SMARCA2: variants seen among roughly 807,000 people sequenced by gnomAD.
SMARCA2 encodes the protein SWI/SNF-related matrix-associated actin-dependent regulator of chromatin subfamily A member 2.
A neutral mutation model predicts 199.8 loss-of-function variants in SMARCA2; 61 were observed. The observed-to-expected ratio is 0.31, with a 90% confidence interval of 0.25 to 0.38. SMARCA2 has a LOEUF of 0.38. Ranked by LOEUF, SMARCA2 falls within the 10% of genes least tolerant of loss-of-function variation. The pLI is 1.00. For synonymous variants in SMARCA2, 935 were observed against 732.0 expected (o/e 1.28, Z -4.48); for missense variants, 1,344 against 2,012.2 (o/e 0.67, Z 6.35).
chr9:2,120,344 G>A lies in SMARCA2; in HGVS notation c.3762+809G>A, dbSNP rs1394142599. On this transcript the variant is annotated intron_variant, in intron 26 of 33. Transcript: ENST00000349721. Reference sequence around the variant, plus strand: ...GTGAAGCAAGTGGGCAGAGGTAGGTGTACTGGAGATGCTTTGTCTATGGGG... The same window carrying A: ...GTGAAGCAAGTGGGCAGAGGTAGGTATACTGGAGATGCTTTGTCTATGGGG... Among the ~76,000 whole-genome samples, 5 of 152,120 alleles carry A rather than the reference G, an allele frequency of 3.3e-5. 1 individual carries two copies. The highest frequency in any genetic ancestry group is 1.2e-4 in the African/African-American group (5 of 41,430).
intron 32 of SMARCA2, 74 bp downstream of exon 32, chr9:2,186,302 A>G: frequency 1.4e-6 from 2 of 1,477,406 alleles, no homozygotes; most frequent in East Asian, 2.4e-5. Flanking sequence ...AGATGTTCAC[A>G]GAAGAGACTT....
In SMARCA2 at chr9:2,034,722, T is replaced by C. The variant is rs1009633056; in HGVS notation, c.355+1641T>C. ...AGTTGTTTTCTTTTTGAAATATAAA[T>C]AGGCAAGTCATGGAGGCATAGGAGT... On this transcript the variant is annotated intron_variant, in intron 3 of 33. Transcript: ENST00000349721. Among the ~76,000 whole-genome samples the C allele has an allele frequency of 3.3e-5, 5 of 152,184 alleles. No homozygotes were observed. In the South Asian group the frequency reaches 6.2e-4, roughly 19 times the overall value.
Position 2,119,311 on chromosome 9 carries a change from A to C in SMARCA2, c.3685-147A>C. The C allele has an allele frequency of 1.7e-6, 1 of 585,980 alleles. No individual in the cohort carries two copies. Among genetic ancestry groups the C allele is most frequent in the Non-Finnish European group, 3.0e-6 (1 of 328,752 alleles). The allele number at this position is 585,980 out of a possible 1,614,324, so 36.3% of individuals were successfully genotyped here. ...TGGTTTTAATAGCTTGTAAAATAGT[A>C]ACGTCAAGGACTAAATCCAGCAACC... On this transcript the variant is annotated intron_variant, in intron 25 of 33. Transcript: ENST00000349721. This position sits in a 1 kb window ranked among gnomAD's most constrained non-coding sequence, Gnocchi z 4.6.
At position 2,097,527 on chromosome 9, in the gene SMARCA2, T is replaced by TA. The variant is rs1399459487; in HGVS notation, c.3078+65dup. ...TTGTGCTAATCATACTAATGCTAGT[T>TA]AAAAAAAAACAAACAAACAGGAAAA... On this transcript the variant is annotated intron_variant, in intron 21 of 33. Transcript: ENST00000349721. 2.9e-3 allele frequency: 2,772 copies of TA among 970,376 alleles called. 3 individuals are homozygous for TA. The highest frequency in any genetic ancestry group is 0.012 in the African/African-American group (687 of 56,740). The allele number at this position is 970,376 out of a possible 1,614,324, so 60.1% of individuals were successfully genotyped here. A position where few individuals can be genotyped will look rare whatever the true frequency, so the allele number is the denominator to read the frequency against.
intron 25 of SMARCA2, among the ~76,000 whole-genome samples, chr9:2,118,061 G>C (rs555518150): frequency 2.7e-4 from 41 of 152,328 alleles, no homozygotes; most frequent in African/African-American, 9.6e-4. Flanking sequence ...CACTTTACAA[G>C]AGAATCTTTT....
intron 1 of SMARCA2, chr9:2,015,825 A>G (rs1818330660): frequency 6.6e-6 from 1 of 152,222 alleles, no homozygotes; most frequent in Non-Finnish European, 1.5e-5. Context: ...ACATTGGGCC[A>G]GGTTGCAATC....
chr9:2,071,952 G>A (rs1490729869), intron 10 of SMARCA2: 1 of 152,130 alleles, frequency 6.6e-6, no homozygotes, highest in Admixed American at 6.5e-5. Flanking sequence ...AGAAAAAAAC[G>A]ACAATCTGGA....
In SMARCA2 at chr9:2,192,719, A is replaced by G; in HGVS notation, c.4753A>G (p.Ser1585Gly). 1.2e-6 allele frequency: 2 copies of G among 1,608,724 alleles called. No homozygotes were observed. Among genetic ancestry groups the G allele is most frequent in the South Asian group, 2.2e-5 (2 of 90,974 alleles). ...TTACTTTTAGGAACAGTCAGAAGGA[A>G]GTGGGACGGATGATGAGTGATCAGT... ...EQDEREQSEG[S>G]GTDDE The change falls in exon 34 of 34, where the codon AGT becomes GGT. Residue 1585 changes from serine to glycine, a missense_variant. Transcript: ENST00000349721.
chr9:2,065,644 A>G lies in SMARCA2; in HGVS notation c.1692+4658A>G, dbSNP rs181588074. On this transcript the variant is annotated intron_variant, in intron 9 of 33. Transcript: ENST00000349721. ...TTTCAGTAAAAAGAGCTTGAAAAGC[A>G]AAGCAGTAATATTGAGACATTTATT... 1.4e-3 allele frequency among the ~76,000 whole-genome samples: 213 copies of G among 152,368 alleles called. 2 individuals carry two copies. The highest frequency in any genetic ancestry group is 4.7e-4 in the Non-Finnish European group (32 of 68,034).
At chr9:2,156,874 G>A (rs7849974) in intron 27 of SMARCA2, among the ~76,000 whole-genome samples, 102,234 of 152,100 alleles carry the variant, frequency 0.67, 36,177 homozygotes, top group Non-Finnish European at 0.78. Flanking sequence ...CTCCCCGGCC[G>A]TCTTCCCTCA....
intron 29 of SMARCA2, among the ~76,000 whole-genome samples, chr9:2,175,485 A>ATTCT (rs1826521420): frequency 6.6e-6 from 1 of 152,220 alleles, no homozygotes; most frequent in Non-Finnish European, 1.5e-5. Flanking sequence ...TAATGATTGT[A>ATTCT]TTCTTTTATT....
intron 15 of SMARCA2, 66 bp from the exon 16 acceptor site, chr9:2,083,281 A>T: frequency 9.5e-7 from 1 of 1,053,070 alleles, no homozygotes; most frequent in Non-Finnish European, 1.4e-6. Flanking sequence ...GAATAAGAAC[A>T]TCTTTTTAAC....
chr9:2,184,633 G>T (rs1211447468), intron 31 of SMARCA2, among the ~76,000 whole-genome samples: 1 of 152,114 alleles, frequency 6.6e-6, no homozygotes, highest in African/African-American at 2.4e-5. Context: ...GATTACAGGT[G>T]TGAGTACCAC....
intron 27 of SMARCA2, chr9:2,160,386 G>A: frequency 1.9e-6 from 1 of 537,808 alleles, no homozygotes; most frequent in Non-Finnish European, 3.3e-6. Flanking sequence ...CTATGGATTT[G>A]CACATTGGAG....
intron 23 of SMARCA2, among the ~76,000 whole-genome samples, chr9:2,107,349 C>T (rs377733567): frequency 1.3e-5 from 2 of 152,146 alleles, no homozygotes; most frequent in South Asian, 2.1e-4. Flanking sequence ...TTTATTGAGA[C>T]GGAGTCTCGC....
At chr9:2,066,021 C>T (rs965776666) in intron 9 of SMARCA2, among the ~76,000 whole-genome samples, 2 of 152,168 alleles carry the variant, frequency 1.3e-5, no homozygotes, top group Admixed American at 6.5e-5. Context: ...ATTTCATATC[C>T]CTGGGCATTT....
In SMARCA2 at chr9:2,087,364, A is replaced by G. The variant is rs1821847111; in HGVS notation, c.2769+293A>G. On this transcript the variant is annotated intron_variant, in intron 18 of 33. Coordinates refer to ENST00000349721, the MANE Select transcript of SMARCA2 (RefSeq NM_003070.5). ...GGAATGCTTAACTGCAGTGGGCCAC[A>G]GGGAGGATGAACATGGAGATATTTT... 3.7e-5 allele frequency: 13 copies of G among 354,348 alleles called. No homozygotes were observed. The South Asian group carries it at 5.4e-4, about 15-fold the overall frequency. The allele number at this position is 354,348 out of a possible 1,614,324, so 22.0% of individuals were successfully genotyped here. A position where few individuals can be genotyped will look rare whatever the true frequency, so the allele number is the denominator to read the frequency against.
chr9:2,075,959 G>C (rs889885125), intron 12 of SMARCA2, among the ~76,000 whole-genome samples: 1 of 152,152 alleles, frequency 6.6e-6, no homozygotes, highest in African/African-American at 2.4e-5. Context: ...TTATGTTTCT[G>C]GCATGATATT....
chr9:2,105,365 C>T (rs1822706606), intron 23 of SMARCA2, among the ~76,000 whole-genome samples: 1 of 152,112 alleles, frequency 6.6e-6, no homozygotes. Context: ...CCTGCCTCAG[C>T]CTCCCGAGTA....
Sources: allele counts gnomAD v4.1 joint callset (sites outside exome capture counted in the v4.1 genomes callset), GRCh38; gene constraint gnomAD v4.1.1; non-coding constraint Gnocchi (gnomAD v3.1); transcripts MANE v1.5; gene names NCBI Gene and HGNC (gene_info 2026-07-23, HGNC 2026-07-21).